Variants in UBXN10 observed in about 807,000 individuals in gnomAD.
UBXN10 encodes UBX domain protein 10, also known as UBX domain-containing protein 10.
Under a neutral mutation model 6.9 loss-of-function variants are expected in UBXN10, and 6 were observed. The observed-to-expected ratio is 0.87, with a 90% CI of 0.48 to 1.72. The LOEUF is 1.72. Ranked by LOEUF, UBXN10 falls within the 40% of genes most tolerant of loss-of-function variation. The probability of loss-of-function intolerance (pLI) is 0.01; values close to 1 mark genes in which losing one functional copy is unlikely to be tolerated. For synonymous variants in UBXN10, 131 were observed against 135.2 expected, an observed-to-expected ratio of 0.97 and a Z score of 0.21; for missense variants, 317 against 348.4, an observed-to-expected ratio of 0.91 and a Z score of 0.72.
At chr1:20,190,198 C>A (rs892067672) in intron 1 of UBXN10, among the ~76,000 whole-genome samples, 2 of 152,068 alleles carry the variant, frequency 1.3e-5, no homozygotes, top group Non-Finnish European at 2.9e-5. Context: ...AACTTCCCCC[C>A]TCCTAAAAGA....
In UBXN10 at chr1:20,191,786, G is replaced by A. The variant is rs116619051; in HGVS notation, c.*382G>A. 587 of 214,408 alleles carry A rather than the reference G, an allele frequency of 2.7e-3. 3 individuals carry two copies. Among genetic ancestry groups the A allele is most frequent in the African/African-American group, 0.012 (516 of 43,210 alleles). The allele number at this position is 214,408 out of a possible 1,614,324, so 13.3% of individuals were successfully genotyped here. A position where few individuals can be genotyped will look rare whatever the true frequency, so the allele number is the denominator to read the frequency against. On this transcript the variant is annotated 3_prime_UTR_variant, in exon 2 of 2. Transcript: ENST00000375099. The surrounding 1 kb of genome is among the most constrained non-coding windows in gnomAD (Gnocchi z 4.5). ...TCTCGAAGCCAATGCTTTCCTGTCT[G>A]TATTTGATGCAGGATTAAACACTTC... is the stretch of plus-strand genomic sequence containing the variant.
Position 20,191,127 on chromosome 1 carries a change from TG to T in UBXN10, c.568del (p.Glu190ArgfsTer144), listed in dbSNP as rs779601790. The T allele has an allele frequency of 1.2e-6, 2 of 1,614,070 alleles. No individual in the cohort carries two copies. The highest frequency in any genetic ancestry group is 2.7e-5 in the African/African-American group (2 of 74,924). Reference sequence around the variant, plus strand: ...CAGGGCTCTTCCAGGGCTGGAAATCTGGAGGAACCATCGGACCAAGAACCAA... The same window carrying T: ...CAGGGCTCTTCCAGGGCTGGAAATCTGAGGAACCATCGGACCAAGAACCAA... ...KKQGSSRAGN[L>X]EEPSDQEPRL... On this transcript the variant is annotated frameshift_variant, in exon 2 of 2. Transcript: ENST00000375099. LOFTEE classifies it high-confidence loss of function. The surrounding 1 kb of genome is among the most constrained non-coding windows in gnomAD (Gnocchi z 4.5).
intron 1 of UBXN10, among the ~76,000 whole-genome samples, chr1:20,188,500 T>C (rs1262725850): frequency 6.6e-6 from 1 of 152,212 alleles, no homozygotes; most frequent in East Asian, 1.9e-4. Flanking sequence ...TGGTTACATG[T>C]GCAGAATGGT....
rs1230487724 is a variant in UBXN10 at position 20,195,270 on chromosome 1, T to G, written c.*3866T>G. Reference sequence around the variant, plus strand: ...GGAGGTATTTTTGGACACACTTAAATCCTATCCCAAGAGACTGAACGACTG... The same window carrying G: ...GGAGGTATTTTTGGACACACTTAAAGCCTATCCCAAGAGACTGAACGACTG... On this transcript the variant is annotated 3_prime_UTR_variant, in exon 2 of 2. Transcript: ENST00000375099. 6.0e-6 allele frequency: 1 copy of G among 167,094 alleles called. No homozygotes were observed. The highest frequency in any genetic ancestry group is 1.5e-5 in the Non-Finnish European group (1 of 68,160). 10.4% of individuals were successfully genotyped at this position (167,094 alleles called of 1,614,324 possible). A position where few individuals can be genotyped will look rare whatever the true frequency, so the allele number is the denominator to read the frequency against.
upstream of UBXN10, among the ~76,000 whole-genome samples, chr1:20,185,080 G>A (rs1426182524): frequency 1.3e-5 from 2 of 152,162 alleles, no homozygotes; most frequent in East Asian, 3.9e-4. Flanking sequence ...AGGCTGCAGT[G>A]AGCTGTGATT....
chr1:20,190,666 CAT>C lies in UBXN10; in HGVS notation c.106_107del (p.Met36AspfsTer37). On this transcript the variant is annotated frameshift_variant, in exon 2 of 2. Coordinates refer to ENST00000375099, the MANE Select transcript of UBXN10 (RefSeq NM_152376.5). LOFTEE classifies it low-confidence loss of function (END_TRUNC). ...IWQPNSLNMH[M>X]IRPKSAKGRT... ...GGCAGCCAAACTCACTAAATATGCA[CAT>C]GATAAGGCCCAAGTCCGCCAAGGGA... 1.9e-6 allele frequency: 3 copies of C among 1,614,166 alleles called. No individual in the cohort carries two copies. The highest frequency in any genetic ancestry group is 1.7e-6 in the Non-Finnish European group (2 of 1,180,034).
At chr1:20,188,078 T>C (rs570527939) in intron 1 of UBXN10, among the ~76,000 whole-genome samples, 2 of 152,316 alleles carry the variant, frequency 1.3e-5, no homozygotes, top group South Asian at 4.1e-4. Flanking sequence ...TGGACAGTTA[T>C]GACCTTCTCC....
rs149938598 is a variant in UBXN10, at chr1:20,187,801, A to G, written c.-16+1648A>G. On this transcript the variant is annotated intron_variant, in intron 1 of 1. Coordinates refer to ENST00000375099, the MANE Select transcript of UBXN10 (RefSeq NM_152376.5). The surrounding 1 kb of genome is among the most constrained non-coding windows in gnomAD (Gnocchi z 4.6). The stretch of plus-strand genomic sequence containing the variant: ...ACCAAAAGGTATAGAAAGTGCATGC[A>G]CATACTCAAGTTTTACTGTTAAAAA... 2.5e-3 allele frequency among the ~76,000 whole-genome samples: 384 copies of G among 152,364 alleles called. 2 individuals carry two copies. Among genetic ancestry groups the G allele is most frequent in the Middle Eastern group, 0.01 (3 of 294 alleles).
rs574044771 is a variant in UBXN10, at chr1:20,192,976, T to G, written c.*1572T>G. 3 of 167,094 alleles carry G rather than the reference T, an allele frequency of 1.8e-5. No individual in the cohort carries two copies. The highest frequency in any genetic ancestry group is 4.4e-5 in the Non-Finnish European group (3 of 68,124). The allele number at this position is 167,094 out of a possible 1,614,324, so 10.4% of individuals were successfully genotyped here. On this transcript the variant is annotated 3_prime_UTR_variant, in exon 2 of 2. Coordinates refer to ENST00000375099, the MANE Select transcript of UBXN10 (RefSeq NM_152376.5). ...TTATTTCTGAATGTTTTATAGAATT[T>G]CTTAATACCATCCTGGTTTGGTCAG... is the stretch of plus-strand genomic sequence containing the variant.
rs200664821 is a variant in UBXN10, at chr1:20,190,704, C to T, written c.143C>T (p.Pro48Leu). The T allele has an allele frequency of 8.8e-5, 142 of 1,614,004 alleles. No homozygotes were observed. Among genetic ancestry groups the T allele is most frequent in the Non-Finnish European group, 1.1e-4 (135 of 1,180,046 alleles). Residue 48 changes from proline (P) to leucine (L), a missense_variant, in exon 2 of 2, where the codon CCG becomes CTG. Pro to Leu is a moderately conservative substitution (Grantham distance 98). Coordinates refer to ENST00000375099, the MANE Select transcript of UBXN10 (RefSeq NM_152376.5). Reference sequence around the variant, plus strand: ...AAGTCCGCCAAGGGACGGACAAGACCGAGTCTGCAGAAATCCCAGGGCGTG... The same window carrying T: ...AAGTCCGCCAAGGGACGGACAAGACTGAGTCTGCAGAAATCCCAGGGCGTG... ...RPKSAKGRTR[P>L]SLQKSQGVEV...
chr1:20,183,840 G>C (rs1361670963), upstream of UBXN10, among the ~76,000 whole-genome samples: 3 of 152,224 alleles, frequency 2.0e-5, no homozygotes, highest in Non-Finnish European at 4.4e-5. Flanking sequence ...GAGAGAGCTG[G>C]AGAGTAGATT....
chr1:20,185,306 G>C (rs1042048834), upstream of UBXN10, among the ~76,000 whole-genome samples: 8 of 152,154 alleles, frequency 5.3e-5, no homozygotes, highest in Admixed American at 5.2e-4. Context: ...AGGTGGACTG[G>C]TTTGGCTTCA....
rs2018546816 is a variant in UBXN10 at position 20,193,541 on chromosome 1, T to C, written c.*2137T>C. The C allele has an allele frequency of 6.0e-6, 1 of 167,084 alleles. No homozygotes were observed. The highest frequency in any genetic ancestry group is 2.1e-4 in the South Asian group (1 of 4,830). The allele number at this position is 167,084 out of a possible 1,614,324, so 10.4% of individuals were successfully genotyped here. A position where few individuals can be genotyped will look rare whatever the true frequency, so the allele number is the denominator to read the frequency against. On this transcript the variant is annotated 3_prime_UTR_variant, in exon 2 of 2. Transcript: ENST00000375099. The stretch of plus-strand genomic sequence containing the variant: ...TCAGTGGAGAAGTGCATCTCGTATT[T>C]TAACCTAAGGCTTCAGCTCCCACAC...
chr1:20,194,158 C>G lies in UBXN10; in HGVS notation c.*2754C>G, dbSNP rs903034859. On this transcript the variant is annotated 3_prime_UTR_variant, in exon 2 of 2. Transcript: ENST00000375099. ...ACATTGTTACTGCTGGCTCTTCATCCCACCCTCTGGAGATGCTAAGGAAGC... is the reference window on the plus strand; with the variant it reads ...ACATTGTTACTGCTGGCTCTTCATCGCACCCTCTGGAGATGCTAAGGAAGC... 5 of 167,140 alleles carry G rather than the reference C, an allele frequency of 3.0e-5. No individual in the cohort carries two copies. The highest frequency in any genetic ancestry group is 1.2e-4 in the African/African-American group (5 of 41,448). The allele number at this position is 167,140 out of a possible 1,614,324, so 10.4% of individuals were successfully genotyped here.
At chr1:20,184,000 G>A (rs1255657318), upstream of UBXN10, among the ~76,000 whole-genome samples, 3 of 152,146 alleles carry the variant, frequency 2.0e-5, no homozygotes, top group Non-Finnish European at 4.4e-5. Context: ...ATAGAAGGTC[G>A]GGCACAAAGG....
At chr1:20,189,195 T>G (rs911294539) in intron 1 of UBXN10, among the ~76,000 whole-genome samples, 1 of 152,088 alleles carries the variant, frequency 6.6e-6, no homozygotes, top group African/African-American at 2.4e-5. Flanking sequence ...CTCCCAAATA[T>G]GCTGTTTCTT....
rs1220023870 is a variant in UBXN10, at chr1:20,192,683, G to A, written c.*1279G>A. The A allele has an allele frequency of 6.0e-6, 1 of 167,056 alleles. No homozygotes were observed. The highest frequency in any genetic ancestry group is 1.5e-5 in the Non-Finnish European group (1 of 68,122). 10.3% of individuals were successfully genotyped at this position (167,056 alleles called of 1,614,324 possible). ...ATTCTGTGCATGTTGTTCCCCCAAA[G>A]CATGGTCATCACAAAGTCCTGAGTT... is the stretch of plus-strand genomic sequence containing the variant. On this transcript the variant is annotated 3_prime_UTR_variant, in exon 2 of 2. Coordinates refer to ENST00000375099, the MANE Select transcript of UBXN10 (RefSeq NM_152376.5).
In UBXN10 at chr1:20,190,586, A is replaced by G. The variant is rs1320413327; in HGVS notation, c.25A>G (p.Ile9Val). ...AATGGCCACAGAAGCCCCTGTGAAT[A>G]TAGCACCACCTGAGTGTAGCACTGT... MATEAPVN[I>V]APPECSTVVS... Residue 9 changes from isoleucine (I) to valine (V), a missense_variant, in exon 2 of 2, where the codon ATA (isoleucine) becomes GTA (valine). Ile to Val is a conservative substitution (Grantham distance 29, BLOSUM62 3). Coordinates refer to ENST00000375099, the MANE Select transcript of UBXN10 (RefSeq NM_152376.5). 1.2e-6 allele frequency: 2 copies of G among 1,613,894 alleles called. No homozygotes were observed. The highest frequency in any genetic ancestry group is 2.7e-5 in the African/African-American group (2 of 74,910).
Position 20,191,631 on chromosome 1 carries a change from T to A in UBXN10, c.*227T>A. On this transcript the variant is annotated 3_prime_UTR_variant, in exon 2 of 2. Transcript: ENST00000375099. This position sits in a 1 kb window ranked among gnomAD's most constrained non-coding sequence, Gnocchi z 4.5. ...TGTTCCATTCTCTCCACCACCAGCG[T>A]AACTGGCAAGTTACCAAGGTTGTTC... 1.7e-6 allele frequency: 1 copy of A among 572,920 alleles called. No individual in the cohort carries two copies. The highest frequency in any genetic ancestry group is 2.9e-6 in the Non-Finnish European group (1 of 341,130). 35.5% of individuals were successfully genotyped at this position (572,920 alleles called of 1,614,324 possible).
Sources: allele counts gnomAD v4.1 joint callset (sites outside exome capture counted in the v4.1 genomes callset), GRCh38; gene constraint gnomAD v4.1.1; non-coding constraint Gnocchi (gnomAD v3.1); transcripts MANE v1.5; gene names NCBI Gene and HGNC (gene_info 2026-07-23, HGNC 2026-07-21).